Variants in CCSER1 observed in about 807,000 individuals in gnomAD.
CCSER1 encodes the protein coiled-coil serine rich protein 1.
Under a neutral mutation model 82.0 loss-of-function variants are expected in CCSER1, and 41 were observed. That is an observed-to-expected ratio of 0.50 (90% CI 0.39 to 0.65). The LOEUF is 0.65. CCSER1 is among the 30% of genes least tolerant of loss of function. The pLI is 0.00. For synonymous variants in CCSER1, 414 were observed against 383.9 expected, an observed-to-expected ratio of 1.08 and a Z score of -0.92; for missense variants, 1,119 against 1,064.2, an observed-to-expected ratio of 1.05 and a Z score of -0.72.
chr4:91,271,898 G>A (rs1481101719), intron 10 of CCSER1, among the ~76,000 whole-genome samples: 2 of 152,050 alleles, frequency 1.3e-5, no homozygotes, highest in African/African-American at 4.8e-5. Context: ...AGGATTACAG[G>A]CACATGCCAC....
At chr4:90,544,842 T>A (rs1579074996) in intron 5 of CCSER1, among the ~76,000 whole-genome samples, 1 of 152,120 alleles carries the variant, frequency 6.6e-6, no homozygotes, top group East Asian at 1.9e-4. Flanking sequence ...GACATGAATT[T>A]GGGCGATGTT....
At chr4:90,843,831 T>C (rs1762860953) in intron 8 of CCSER1, among the ~76,000 whole-genome samples, 1 of 152,146 alleles carries the variant, frequency 6.6e-6, no homozygotes, top group East Asian at 1.9e-4. Context: ...TTGTTGTCAG[T>C]TTCTTTGTTC....
intron 5 of CCSER1, among the ~76,000 whole-genome samples, chr4:90,530,602 T>C (rs570944407): frequency 1.3e-5 from 2 of 152,300 alleles, no homozygotes; most frequent in African/African-American, 4.8e-5. Context: ...TTCTCAGAAC[T>C]GTGGTGCCAC....
chr4:91,060,127 C>T (rs1424190962), intron 9 of CCSER1, among the ~76,000 whole-genome samples: 2 of 151,940 alleles, frequency 1.3e-5, no homozygotes, highest in Non-Finnish European at 2.9e-5. Context: ...AAAAATTTCT[C>T]CTTTTATTCA....
At chr4:91,123,688 A>C (rs555580897) in intron 10 of CCSER1, among the ~76,000 whole-genome samples, 2 of 151,814 alleles carry the variant, frequency 1.3e-5, no homozygotes, top group Non-Finnish European at 3.0e-5. Flanking sequence ...TAGAACAACT[A>C]TGTGATACCC....
chr4:90,233,534 T>C (rs1248543370), intron 1 of CCSER1, among the ~76,000 whole-genome samples: 1 of 151,916 alleles, frequency 6.6e-6, no homozygotes, highest in Non-Finnish European at 1.5e-5. Context: ...GATGATGAGT[T>C]AGTGGGTGCA....
intron 9 of CCSER1, among the ~76,000 whole-genome samples, chr4:91,031,611 G>A (rs945017579): frequency 3.3e-5 from 5 of 151,954 alleles, no homozygotes; most frequent in African/African-American, 9.7e-5. Flanking sequence ...TCTGTGGGGC[G>A]CTTAAAAATG....
chr4:90,305,704 A>G (rs554832432), intron 1 of CCSER1, among the ~76,000 whole-genome samples: 4 of 152,358 alleles, frequency 2.6e-5, no homozygotes, highest in South Asian at 2.1e-4. Context: ...CATATGGAGA[A>G]AAGGGAACTC....
At chr4:91,319,826 T>G in intron 10 of CCSER1, 1 of 412,456 alleles carries the variant, frequency 2.4e-6, no homozygotes, top group South Asian at 1.8e-5. Flanking sequence ...CAGCCAGAAA[T>G]ACAGTAGTTC....
At chr4:90,668,966 A>G (rs1273138292) in intron 6 of CCSER1, among the ~76,000 whole-genome samples, 1 of 152,130 alleles carries the variant, frequency 6.6e-6, no homozygotes, top group Non-Finnish European at 1.5e-5. Context: ...ACAAGGTATA[A>G]TATAATAAGG....
chr4:90,724,042 T>C, intron 7 of CCSER1, 51 bp downstream of exon 7: 1 of 1,105,964 alleles, frequency 9.0e-7, no homozygotes, highest in Non-Finnish European at 1.3e-6. Flanking sequence ...GGATAGTTAA[T>C]AAATAGTTTA....
At chr4:90,587,524 C>T (rs910951868) in intron 5 of CCSER1, among the ~76,000 whole-genome samples, 5 of 152,058 alleles carry the variant, frequency 3.3e-5, no homozygotes, top group African/African-American at 1.2e-4. Context: ...GCAGGAGAAT[C>T]GCTTGAACCC....
chr4:91,416,863 TTAAAC>T (rs1380644397), intron 10 of CCSER1, among the ~76,000 whole-genome samples: 1 of 152,314 alleles, frequency 6.6e-6, no homozygotes, highest in African/African-American at 2.4e-5. Flanking sequence ...TAGGATCTAC[TTAAAC>T]TAAAGAGTTT....
chr4:90,161,553 CT>C (rs1227135350), intron 1 of CCSER1, among the ~76,000 whole-genome samples: 2 of 151,650 alleles, frequency 1.3e-5, no homozygotes, highest in African/African-American at 2.4e-5. Context: ...TCTCAGATCT[CT>C]TTTTTTAATG....
At chr4:90,131,083 C>T (rs1405120391) in intron 1 of CCSER1, among the ~76,000 whole-genome samples, 1 of 151,764 alleles carries the variant, frequency 6.6e-6, no homozygotes, top group African/African-American at 2.4e-5. Flanking sequence ...CTGCAACCTC[C>T]GCCTCCTGGG....
At chr4:90,773,864 A>G (rs1752553627) in intron 7 of CCSER1, among the ~76,000 whole-genome samples, 1 of 152,186 alleles carries the variant, frequency 6.6e-6, no homozygotes, top group Non-Finnish European at 1.5e-5. Context: ...TTGAAAGAAC[A>G]TACTCAAAAA....
rs1047249514 is a variant in CCSER1, at chr4:90,970,336, A to T, written c.2172+46889A>T. Among the ~76,000 whole-genome samples the T allele has an allele frequency of 2.6e-5, 4 of 152,020 alleles. No individual in the cohort carries two copies. The South Asian group carries it at 8.3e-4, about 31-fold the overall frequency. On this transcript the variant is annotated intron_variant, in intron 9 of 10. Coordinates refer to ENST00000509176, the MANE Select transcript of CCSER1 (RefSeq NM_001145065.2). ...TATTAGACAAAACGAACATCAAGTGAGAAATTGTCACAAAAAACCAAGAAT... is the reference window on the plus strand; with the variant it reads ...TATTAGACAAAACGAACATCAAGTGTGAAATTGTCACAAAAAACCAAGAAT...
chr4:91,355,619 G>A (rs111721240), intron 10 of CCSER1, among the ~76,000 whole-genome samples: 3,007 of 152,232 alleles, frequency 0.02, 91 homozygotes, highest in African/African-American at 0.067. Context: ...GTTAGTTGAC[G>A]TCCTTACTGA....
chr4:90,938,359 A>T (rs1404936521), intron 9 of CCSER1, among the ~76,000 whole-genome samples: 12 of 152,168 alleles, frequency 7.9e-5, no homozygotes, highest in Middle Eastern at 6.8e-3. Context: ...TAAAGAAAAA[A>T]AGTTTATTAG....
Sources: allele counts gnomAD v4.1 joint callset (sites outside exome capture counted in the v4.1 genomes callset), GRCh38; gene constraint gnomAD v4.1.1; transcripts MANE v1.5; gene names NCBI Gene and HGNC (gene_info 2026-07-23, HGNC 2026-07-21).